Variants in KIAA1328 observed in about 807,000 individuals in gnomAD.
KIAA1328 encodes protein hinderin.
Under a neutral mutation model 68.1 loss-of-function variants are expected in KIAA1328, and 52 were observed. The observed-to-expected ratio is 0.76, with a 90% CI of 0.61 to 0.96. KIAA1328 has a LOEUF of 0.96. Ranked by LOEUF, KIAA1328 falls within the 40% of genes least tolerant of loss-of-function variation. KIAA1328 has a pLI of 0.00. For synonymous variants in KIAA1328, 232 were observed against 239.4 expected, an observed-to-expected ratio of 0.97 and a Z score of 0.28; for missense variants, 641 against 677.6, an observed-to-expected ratio of 0.95 and a Z score of 0.60.
chr18:37,044,250 A>C (rs1236318143), intron 6 of KIAA1328, among the ~76,000 whole-genome samples: 1 of 152,074 alleles, frequency 6.6e-6, no homozygotes, highest in African/African-American at 2.4e-5. Context: ...TTTCATCTTC[A>C]TTAAGATTTA....
chr18:37,210,890 C>T (rs2060303433), intron 9 of KIAA1328, among the ~76,000 whole-genome samples: 1 of 152,098 alleles, frequency 6.6e-6, no homozygotes, highest in African/African-American at 2.4e-5. Context: ...AAAGTACTGT[C>T]AATAAACTTA....
intron 7 of KIAA1328, among the ~76,000 whole-genome samples, chr18:37,096,904 C>T (rs2057427347): frequency 1.3e-5 from 2 of 152,160 alleles, no homozygotes; most frequent in Admixed American, 1.3e-4. Context: ...TTCCTTCACC[C>T]ACTTTTTGTT....
intron 3 of KIAA1328, among the ~76,000 whole-genome samples, chr18:36,838,247 C>G (rs563281886): frequency 5.7e-4 from 87 of 152,216 alleles, no homozygotes; most frequent in African/African-American, 2.0e-3. Flanking sequence ...ATGAAGTTGT[C>G]TGTGAATAGA....
At chr18:37,212,554 G>A (rs1325255998) in intron 9 of KIAA1328, among the ~76,000 whole-genome samples, 1 of 152,096 alleles carries the variant, frequency 6.6e-6, no homozygotes, top group South Asian at 2.1e-4. Flanking sequence ...CACCGATAAA[G>A]CATGAAGGGT....
chr18:36,953,665 C>T (rs1331766383), intron 5 of KIAA1328, among the ~76,000 whole-genome samples: 1 of 152,118 alleles, frequency 6.6e-6, no homozygotes, highest in Non-Finnish European at 1.5e-5. Flanking sequence ...TCACTCCTAG[C>T]TACCTCAGAC....
At chr18:36,959,171 A>G (rs1178447251) in intron 5 of KIAA1328, 137 bp from the exon 6 acceptor site, 3 of 677,412 alleles carry the variant, frequency 4.4e-6, no homozygotes, top group Non-Finnish European at 4.6e-6. Context: ...TTTTATCTGA[A>G]GACTTTATAC....
In KIAA1328 at chr18:37,201,241, A is replaced by C. The variant is rs527541314; in HGVS notation, c.1524-20776A>C. ...TTAGTAATTTGAATGGTAGAAGTACATTGCACACAAGGTTACAATCAAAAA... is the reference window on the plus strand; with the variant it reads ...TTAGTAATTTGAATGGTAGAAGTACCTTGCACACAAGGTTACAATCAAAAA... On this transcript the variant is annotated intron_variant, in intron 9 of 9. Transcript: ENST00000280020. Among the ~76,000 whole-genome samples the C allele has an allele frequency of 3.3e-5, 5 of 152,386 alleles. No individual in the cohort carries two copies. The South Asian group carries it at 6.2e-4, about 19-fold the overall frequency.
chr18:36,951,914 C>A (rs543801459), intron 5 of KIAA1328, among the ~76,000 whole-genome samples: 9 of 152,314 alleles, frequency 5.9e-5, no homozygotes, highest in Non-Finnish European at 1.0e-4. Flanking sequence ...CTTAAGCCCT[C>A]TCATCCATCC....
At chr18:37,176,395 C>G (rs1261278357) in intron 9 of KIAA1328, among the ~76,000 whole-genome samples, 2 of 152,146 alleles carry the variant, frequency 1.3e-5, no homozygotes, top group Non-Finnish European at 2.9e-5. Flanking sequence ...CTATCTCATG[C>G]TAACAAAATA....
chr18:36,914,719 C>G (rs2049614232), intron 5 of KIAA1328, among the ~76,000 whole-genome samples: 1 of 152,022 alleles, frequency 6.6e-6, no homozygotes, highest in South Asian at 2.1e-4. Flanking sequence ...AACTCTGTCT[C>G]ATTTAAAAAG....
At chr18:37,032,530 T>C (rs1244856868) in intron 6 of KIAA1328, among the ~76,000 whole-genome samples, 2 of 152,160 alleles carry the variant, frequency 1.3e-5, no homozygotes, top group Non-Finnish European at 2.9e-5. Flanking sequence ...TCGTATCTAT[T>C]TCACTTCGTT....
chr18:36,914,588 C>T (rs1442748637), intron 5 of KIAA1328, among the ~76,000 whole-genome samples: 7 of 151,954 alleles, frequency 4.6e-5, no homozygotes, highest in South Asian at 2.1e-4. Context: ...GGCGCAGTGG[C>T]GGGTGCCTGT....
intron 6 of KIAA1328, among the ~76,000 whole-genome samples, chr18:37,023,181 C>T (rs1271916790): frequency 1.3e-5 from 2 of 152,138 alleles, no homozygotes; most frequent in Admixed American, 1.3e-4. Flanking sequence ...CAGGCATGAG[C>T]CACCACACTT....
intron 3 of KIAA1328, among the ~76,000 whole-genome samples, chr18:36,836,235 C>A (rs2046670204): frequency 6.6e-6 from 1 of 152,070 alleles, no homozygotes; most frequent in African/African-American, 2.4e-5. Context: ...ACCAGTGTAC[C>A]CACTTCACAC....
chr18:36,909,406 A>G (rs958201006), intron 5 of KIAA1328, among the ~76,000 whole-genome samples: 9 of 151,806 alleles, frequency 5.9e-5, no homozygotes, highest in Non-Finnish European at 1.3e-4. Context: ...TCCCTGCGAT[A>G]GTTTGCTGAG....
Position 37,207,590 on chromosome 18 carries a change from G to A in KIAA1328, c.1524-14427G>A, listed in dbSNP as rs537421068. Among the ~76,000 whole-genome samples the A allele has an allele frequency of 2.0e-5, 3 of 152,266 alleles. No individual in the cohort carries two copies. The East Asian group carries it at 5.8e-4, about 29-fold the overall frequency. ...TGTCTTGGGTTTTCTTTAACTGCCAGGTGGCAGCAGAATGCTCAGAGGTAT... is the reference window on the plus strand; with the variant it reads ...TGTCTTGGGTTTTCTTTAACTGCCAAGTGGCAGCAGAATGCTCAGAGGTAT... On this transcript the variant is annotated intron_variant, in intron 9 of 9. Coordinates refer to ENST00000280020, the MANE Select transcript of KIAA1328 (RefSeq NM_020776.3).
At chr18:37,148,849 T>A (rs2058965202) in intron 7 of KIAA1328, among the ~76,000 whole-genome samples, 1 of 152,182 alleles carries the variant, frequency 6.6e-6, no homozygotes, top group South Asian at 2.1e-4. Flanking sequence ...TTTAAGTTCC[T>A]TGTAAATTGT....
At chr18:37,042,705 T>C (rs1421090288) in intron 6 of KIAA1328, among the ~76,000 whole-genome samples, 1 of 152,236 alleles carries the variant, frequency 6.6e-6, no homozygotes, top group Non-Finnish European at 1.5e-5. Flanking sequence ...CCAGGACTTA[T>C]CTAGGTGTGG....
intron 6 of KIAA1328, among the ~76,000 whole-genome samples, chr18:36,970,778 C>A (rs1425033410): frequency 6.6e-6 from 1 of 152,080 alleles, no homozygotes; most frequent in African/African-American, 2.4e-5. Context: ...GAACTACAAA[C>A]CACTGCTCAA....
Sources: allele counts gnomAD v4.1 joint callset (sites outside exome capture counted in the v4.1 genomes callset), GRCh38; gene constraint gnomAD v4.1.1; transcripts MANE v1.5; gene names NCBI Gene and HGNC (gene_info 2026-07-23, HGNC 2026-07-21).